The following MARCHF11 variants were observed in gnomAD, a reference collection of about 807,000 sequenced individuals.
The protein encoded by MARCHF11 is membrane associated ring-CH-type finger 11, also known as E3 ubiquitin-protein ligase MARCHF11.
MARCHF11 carries 29 observed loss-of-function variants against 37.3 expected under a neutral mutation model. That is an observed-to-expected ratio of 0.78 (90% CI 0.58 to 1.06). The LOEUF (loss-of-function observed/expected upper bound fraction) is 1.06. MARCHF11 is among the 50% of genes least tolerant of loss of function. The probability of loss-of-function intolerance (pLI) is 0.00; values close to 1 mark genes in which losing one functional copy is unlikely to be tolerated. For synonymous variants in MARCHF11, 233 were observed against 228.0 expected (o/e 1.02, Z -0.20); for missense variants, 482 against 533.4 (o/e 0.90, Z 0.95).
chr5:16,118,635 GA>G (rs1579392221), intron 2 of MARCHF11, among the ~76,000 whole-genome samples: 2 of 152,298 alleles, frequency 1.3e-5, no homozygotes, highest in East Asian at 3.9e-4. Flanking sequence ...GATAGAGGAG[GA>G]ATCAGGATTT....
chr5:16,163,929 T>G (rs1040451293), intron 2 of MARCHF11, among the ~76,000 whole-genome samples: 1 of 152,056 alleles, frequency 6.6e-6, no homozygotes, highest in African/African-American at 2.4e-5. Context: ...ATCCCCCTTT[T>G]GACTTTGGGT....
In MARCHF11 at chr5:16,179,467, C is replaced by CCGGCGGCGGCGT. The variant is rs960485672; in HGVS notation, c.97_108dup (p.Thr33_Pro36dup). 2 of 1,128,502 alleles carry CCGGCGGCGGCGT rather than the reference C, an allele frequency of 1.8e-6. No homozygotes were observed. The highest frequency in any genetic ancestry group is 1.7e-5 in the African/African-American group (1 of 60,148). 69.9% of individuals were successfully genotyped at this position (1,128,502 alleles called of 1,614,324 possible). On this transcript the variant is annotated inframe_insertion, in exon 1 of 4. Transcript: ENST00000332432. ...GCCGCGGGGACCGGGGCCGGCTCTC[C>CCGGCGGCGGCGT]CGGCGGCGGCGTCGGCGGCGGCGGC...
At chr5:16,155,078 C>T (rs1244421697) in intron 2 of MARCHF11, among the ~76,000 whole-genome samples, 4 of 151,724 alleles carry the variant, frequency 2.6e-5, no homozygotes, top group Non-Finnish European at 4.4e-5. Context: ...TCTAATGTTC[C>T]TAACTAGGAA....
intron 2 of MARCHF11, among the ~76,000 whole-genome samples, chr5:16,172,717 T>C (rs1294489587): frequency 6.6e-6 from 1 of 152,208 alleles, no homozygotes; most frequent in East Asian, 1.9e-4. Flanking sequence ...TACATCCTAC[T>C]AACAATCAGT....
intron 2 of MARCHF11, among the ~76,000 whole-genome samples, chr5:16,139,440 C>A (rs1323472391): frequency 6.6e-6 from 1 of 152,126 alleles, no homozygotes; most frequent in Non-Finnish European, 1.5e-5. Context: ...ATTACCCAGT[C>A]TCGGGTATGT....
chr5:16,077,050 C>G (rs1287087803), intron 3 of MARCHF11, among the ~76,000 whole-genome samples: 4 of 152,168 alleles, frequency 2.6e-5, no homozygotes, highest in Admixed American at 6.5e-5. Flanking sequence ...AGGATTACGG[C>G]AACCTTCACA....
At chr5:16,168,408 C>T (rs988135997) in intron 2 of MARCHF11, among the ~76,000 whole-genome samples, 6 of 152,032 alleles carry the variant, frequency 3.9e-5, no homozygotes, top group East Asian at 1.9e-4. Flanking sequence ...TTGTTGGCTT[C>T]GCATGTTTTA....
intron 2 of MARCHF11, among the ~76,000 whole-genome samples, chr5:16,146,006 T>C (rs563973884): frequency 6.6e-6 from 1 of 152,238 alleles, no homozygotes; most frequent in South Asian, 2.1e-4. Context: ...ACTCACAAAT[T>C]CCATAAATGG....
chr5:16,111,933 G>A (rs1317572438), intron 2 of MARCHF11, among the ~76,000 whole-genome samples: 1 of 152,176 alleles, frequency 6.6e-6, no homozygotes, highest in Admixed American at 6.5e-5. Flanking sequence ...GGCTTCAGAG[G>A]GTGCAAGCCC....
intron 3 of MARCHF11, among the ~76,000 whole-genome samples, chr5:16,071,311 T>A (rs1736433884): frequency 1.3e-5 from 2 of 152,340 alleles, no homozygotes; most frequent in African/African-American, 4.8e-5. Flanking sequence ...CATGAGACTT[T>A]AAGGTTTTGA....
At chr5:16,163,650 TA>T (rs1321908524) in intron 2 of MARCHF11, among the ~76,000 whole-genome samples, 1 of 151,816 alleles carries the variant, frequency 6.6e-6, no homozygotes, top group African/African-American at 2.4e-5. Flanking sequence ...AAATAAAAGA[TA>T]AGTTGAGTAG....
At chr5:16,129,451 T>C (rs1446036) in intron 2 of MARCHF11, among the ~76,000 whole-genome samples, 8,079 of 152,248 alleles carry the variant, frequency 0.053, 599 homozygotes, top group African/African-American at 0.17. Flanking sequence ...AAATAAACCA[T>C]TTTTAAAATA....
intron 2 of MARCHF11, among the ~76,000 whole-genome samples, chr5:16,150,882 T>C (rs536026742): frequency 1.3e-5 from 2 of 152,170 alleles, no homozygotes; most frequent in South Asian, 2.1e-4. Context: ...GAAAAAAACG[T>C]GGTTCCCCAT....
intron 2 of MARCHF11, among the ~76,000 whole-genome samples, chr5:16,096,168 G>A (rs574176890): frequency 6.6e-6 from 1 of 152,078 alleles, no homozygotes; most frequent in Non-Finnish European, 1.5e-5. Context: ...AAAACAACAC[G>A]GGCTCAGTCA....
intron 3 of MARCHF11, among the ~76,000 whole-genome samples, chr5:16,074,983 G>A (rs1309527446): frequency 5.3e-5 from 8 of 152,204 alleles, no homozygotes; most frequent in Non-Finnish European, 7.3e-5. Context: ...CATCTGTGCT[G>A]GATCTCCAAT....
intron 2 of MARCHF11, among the ~76,000 whole-genome samples, chr5:16,171,436 T>C (rs986280034): frequency 6.6e-6 from 1 of 152,144 alleles, no homozygotes; most frequent in Non-Finnish European, 1.5e-5. Context: ...TACTACCAAA[T>C]GCAGCTGAGT....
intron 3 of MARCHF11, among the ~76,000 whole-genome samples, chr5:16,088,743 T>C (rs1384713072): frequency 1.3e-5 from 2 of 152,180 alleles, no homozygotes; most frequent in Non-Finnish European, 2.9e-5. Context: ...ATCAGAATTC[T>C]TTAATTTTTT....
intron 2 of MARCHF11, among the ~76,000 whole-genome samples, chr5:16,102,307 T>C (rs1056665473): frequency 1.3e-5 from 2 of 152,144 alleles, no homozygotes; most frequent in Non-Finnish European, 2.9e-5. Context: ...CACTGATACG[T>C]ACAGGAGGCA....
chr5:16,070,302 G>A (rs1213775165), intron 3 of MARCHF11, among the ~76,000 whole-genome samples: 1 of 152,130 alleles, frequency 6.6e-6, no homozygotes, highest in East Asian at 1.9e-4. Context: ...TTTACATTCA[G>A]CCAGGCAGTA....
Sources: allele counts gnomAD v4.1 joint callset (sites outside exome capture counted in the v4.1 genomes callset), GRCh38; gene constraint gnomAD v4.1.1; transcripts MANE v1.5; gene names NCBI Gene and HGNC (gene_info 2026-07-23, HGNC 2026-07-21).